Variants in STPG2 observed in about 807,000 individuals in gnomAD.
STPG2 encodes sperm-tail PG-rich repeat-containing protein 2.
STPG2 carries 56 observed loss-of-function variants against 54.2 expected under a neutral mutation model. That is an observed-to-expected ratio of 1.03 (90% CI 0.83 to 1.29). STPG2 has a LOEUF of 1.29. Among genes scored for constraint, STPG2 ranks in the 50% most tolerant of loss-of-function variants. The pLI, the probability that STPG2 is intolerant of heterozygous loss-of-function variation, is 0.00. For synonymous variants in STPG2, 200 were observed against 181.8 expected (o/e 1.10, Z -0.81); for missense variants, 596 against 544.9 (o/e 1.09, Z -0.93).
chr4:97,509,819 C>A (rs182539060), intron 4 of STPG2, among the ~76,000 whole-genome samples: 5 of 151,846 alleles, frequency 3.3e-5, no homozygotes, highest in Non-Finnish European at 5.9e-5. Context: ...TAAGGTAATC[C>A]GGGTAAAAAT....
At chr4:98,084,030 G>T (rs992803546) in intron 5 of STPG2, among the ~76,000 whole-genome samples, 1 of 151,856 alleles carries the variant, frequency 6.6e-6, no homozygotes, top group African/African-American at 2.4e-5. Flanking sequence ...TTTTGTTGTT[G>T]TTGTTTGTTT....
At chr4:97,783,246 G>A (rs1162098820) in intron 9 of STPG2, among the ~76,000 whole-genome samples, 8 of 149,914 alleles carry the variant, frequency 5.3e-5, no homozygotes, top group South Asian at 2.1e-4. Context: ...AAAAACAACC[G>A]CATCAAAAAG....
intron 5 of STPG2, among the ~76,000 whole-genome samples, chr4:97,983,993 A>G (rs1348338133): frequency 2.0e-5 from 3 of 152,154 alleles, no homozygotes; most frequent in Non-Finnish European, 4.4e-5. Flanking sequence ...CACCTCCTCC[A>G]ATCCATATTT....
chr4:97,854,444 TTAAA>T (rs1403826291), intron 8 of STPG2, among the ~76,000 whole-genome samples: 1 of 147,178 alleles, frequency 6.8e-6, no homozygotes, highest in Admixed American at 6.8e-5. Flanking sequence ...TTAGTTATTA[TTAAA>T]TAATAACAAT....
rs1278273157 is a variant in STPG2, at chr4:98,128,565, T to C, written c.250A>G (p.Arg84Gly). The C allele has an allele frequency of 2.5e-6, 4 of 1,608,606 alleles. No individual in the cohort carries two copies. The highest frequency in any genetic ancestry group is 1.7e-5 in the Admixed American group (1 of 58,718). ...QKISRSPTLT[R>G]SVDVPSIPSC... ...GGAATTGAAGGAACATCAACACTTC[T>C]GGTAAGTGTAGGTGATCTTGAAATT... is the stretch of plus-strand genomic sequence containing the variant. Residue 84 changes from arginine (R) to glycine (G), a missense_variant, in exon 3 of 11, where the codon AGA becomes GGA. By Grantham distance (125) the Arg-to-Gly change is moderately radical. Coordinates refer to ENST00000295268, the MANE Select transcript of STPG2 (RefSeq NM_174952.3).
chr4:97,727,496 A>C (rs1260826355), intron 9 of STPG2, among the ~76,000 whole-genome samples: 1 of 151,966 alleles, frequency 6.6e-6, no homozygotes, highest in Non-Finnish European at 1.5e-5. Context: ...TTTTCTAAGC[A>C]CTGAAGCAAT....
At position 98,044,791 on chromosome 4, in the gene STPG2, T is replaced by C. The variant is rs79578889; in HGVS notation, c.612+61162A>G. ...TTTTTCTAACAATGAGCATGAAAGG[T>C]AGCAGAAGCTGGTATGTTTCCAGAT... is the stretch of plus-strand genomic sequence containing the variant. On this transcript the variant is annotated intron_variant, in intron 5 of 10. Coordinates refer to ENST00000295268, the MANE Select transcript of STPG2 (RefSeq NM_174952.3). 5.2e-3 allele frequency among the ~76,000 whole-genome samples: 792 copies of C among 152,268 alleles called. 10 individuals carry two copies. The highest frequency in any genetic ancestry group is 0.018 in the African/African-American group (756 of 41,542).
intron 9 of STPG2, among the ~76,000 whole-genome samples, chr4:97,822,906 C>A (rs1428047764): frequency 2.0e-5 from 3 of 152,176 alleles, no homozygotes; most frequent in Non-Finnish European, 2.9e-5. Context: ...AATAACAAAC[C>A]AGCCACAACA....
intron 9 of STPG2, among the ~76,000 whole-genome samples, chr4:97,747,765 A>C (rs1451003347): frequency 6.6e-6 from 1 of 151,410 alleles, no homozygotes; most frequent in Non-Finnish European, 1.5e-5. Flanking sequence ...AGGAATATAA[A>C]TTTAAAAGTT....
intron 10 of STPG2, among the ~76,000 whole-genome samples, chr4:97,688,227 T>G (rs1331057966): frequency 1.3e-5 from 2 of 152,154 alleles, no homozygotes; most frequent in East Asian, 3.8e-4. Context: ...ATTATAAATA[T>G]TCATCAAATA....
intron 5 of STPG2, among the ~76,000 whole-genome samples, chr4:98,100,944 G>A (rs983783875): frequency 2.0e-5 from 3 of 151,994 alleles, no homozygotes; most frequent in Non-Finnish European, 1.5e-5. Context: ...CCAAAGTGCT[G>A]GGATTACAGT....
At chr4:97,726,101 A>G (rs941549912) in intron 9 of STPG2, among the ~76,000 whole-genome samples, 5 of 151,982 alleles carry the variant, frequency 3.3e-5, no homozygotes, top group Non-Finnish European at 5.9e-5. Context: ...AGGCCTAGAG[A>G]AAAATCAATC....
intron 9 of STPG2, among the ~76,000 whole-genome samples, chr4:97,773,063 T>C (rs865800383): frequency 3.3e-4 from 51 of 152,320 alleles, no homozygotes; most frequent in Middle Eastern, 3.4e-3. Flanking sequence ...AATGAAATTG[T>C]ATCATCACTC....
chr4:97,741,841 T>C (rs1310138585), intron 9 of STPG2, among the ~76,000 whole-genome samples: 1 of 152,154 alleles, frequency 6.6e-6, no homozygotes, highest in African/African-American at 2.4e-5. Context: ...AAATACCATT[T>C]GACCAAGCCA....
chr4:97,472,887 T>C (rs1729973306), intron 4 of STPG2, among the ~76,000 whole-genome samples: 1 of 152,210 alleles, frequency 6.6e-6, no homozygotes, highest in Admixed American at 6.5e-5. Context: ...AGAACATAGA[T>C]TGTGAAAGAT....
At chr4:97,639,552 A>C (rs998419211) in intron 10 of STPG2, among the ~76,000 whole-genome samples, 1 of 152,118 alleles carries the variant, frequency 6.6e-6, no homozygotes, top group Non-Finnish European at 1.5e-5. Context: ...AAAAGTCTTA[A>C]GACAAAATTG....
intron 4 of STPG2, among the ~76,000 whole-genome samples, chr4:97,540,622 AG>A (rs1258129107): frequency 6.6e-6 from 1 of 151,668 alleles, no homozygotes; most frequent in South Asian, 2.1e-4. Context: ...CTCTTTTATG[AG>A]GCCAGCATCA....
intron 8 of STPG2, among the ~76,000 whole-genome samples, chr4:97,849,094 A>G (rs1238893798): frequency 6.6e-6 from 1 of 151,036 alleles, no homozygotes; most frequent in Non-Finnish European, 1.5e-5. Context: ...CTTGGGCAGT[A>G]TGGCCATTTT....
At chr4:97,554,635 A>G (rs1732038451), downstream of STPG2, among the ~76,000 whole-genome samples, 4 of 152,340 alleles carry the variant, frequency 2.6e-5, no homozygotes, top group South Asian at 8.3e-4. Flanking sequence ...TTCTTGAGCT[A>G]TAAACAACAT....
Sources: gnomAD v4.1 joint callset for allele counts (sites outside exome capture counted in the v4.1 genomes callset) on GRCh38, gnomAD v4.1.1 for gene constraint, MANE v1.5 for transcripts, NCBI Gene and HGNC (gene_info 2026-07-23, HGNC 2026-07-21) for gene names.